Variants in CCDC18 observed in about 807,000 individuals in gnomAD.
The protein encoded by CCDC18 is coiled-coil domain-containing protein 18.
A neutral mutation model predicts 196.0 loss-of-function variants in CCDC18; 157 were observed. The observed-to-expected ratio is 0.80, with a 90% CI of 0.70 to 0.91. The LOEUF is 0.91. Ranked by LOEUF, CCDC18 falls within the 40% of genes least tolerant of loss-of-function variation. The pLI, the probability that CCDC18 is intolerant of heterozygous loss-of-function variation, is 0.00. For synonymous variants in CCDC18, 482 were observed against 529.2 expected, an observed-to-expected ratio of 0.91 and a Z score of 1.22; for missense variants, 1,465 against 1,611.6, an observed-to-expected ratio of 0.91 and a Z score of 1.56.
At chr1:93,269,522 T>C (rs1259150872) in intron 27 of CCDC18, among the ~76,000 whole-genome samples, 2 of 151,882 alleles carry the variant, frequency 1.3e-5, no homozygotes, top group Non-Finnish European at 2.9e-5. Flanking sequence ...TTGTAATGCA[T>C]TCTGTGGTTA....
chr1:93,258,891 G>A lies in CCDC18; in HGVS notation c.3684+6G>A. ...AAGAAGCTTATCATATGGAGGTAAA[G>A]AAAAATTTAATTTGTTTTGTTAGTG... On this transcript the variant is annotated splice_donor_region_variant and intron_variant, in intron 26 of 28. Coordinates refer to ENST00000690025, the MANE Select transcript of CCDC18 (RefSeq NM_001378204.1). The A allele has an allele frequency of 6.3e-7, 1 of 1,582,174 alleles. No homozygotes were observed. The highest frequency in any genetic ancestry group is 1.2e-5 in the South Asian group (1 of 84,676).
intron 23 of CCDC18, among the ~76,000 whole-genome samples, chr1:93,248,730 C>G (rs928054257): frequency 1.3e-5 from 2 of 152,030 alleles, no homozygotes; most frequent in Non-Finnish European, 2.9e-5. Context: ...AATCCCAGCA[C>G]TTTGGGAGGT....
At chr1:93,258,907 T>C (rs370388444) in intron 26 of CCDC18, 22 bp downstream of exon 26, 4 of 1,579,916 alleles carry the variant, frequency 2.5e-6, no homozygotes, top group Middle Eastern at 3.4e-4. Flanking sequence ...TTTAATTTGT[T>C]TTGTTAGTGC....
chr1:93,194,195 A>G (rs942461032), intron 6 of CCDC18, among the ~76,000 whole-genome samples: 3 of 152,152 alleles, frequency 2.0e-5, no homozygotes, highest in Non-Finnish European at 4.4e-5. Flanking sequence ...CTTCCTTTAG[A>G]AATATATAAA....
chr1:93,262,325 C>A (rs1030471162), intron 26 of CCDC18: 1 of 152,122 alleles, frequency 6.6e-6, no homozygotes, highest in African/African-American at 2.4e-5. Context: ...AGTCCAAGTC[C>A]AAAGTCTTAT....
intron 27 of CCDC18, among the ~76,000 whole-genome samples, chr1:93,266,092 GTC>G (rs1664464642): frequency 6.6e-6 from 1 of 152,182 alleles, no homozygotes; most frequent in Admixed American, 6.5e-5. Flanking sequence ...ACCACAAACT[GTC>G]TCTGAGACAA....
rs1369502080 is a variant in CCDC18 at position 93,257,239 on chromosome 1, A to AC, written c.3546+701_3546+702insC. Among the ~76,000 whole-genome samples, 8 of 137,706 alleles carry AC rather than the reference A, an allele frequency of 5.8e-5. 1 individual carries two copies. The highest frequency in any genetic ancestry group is 1.7e-4 in the African/African-American group (6 of 35,704). 90.3% of individuals were successfully genotyped at this position (137,706 alleles called of 152,430 possible). ...AGAGCAAGACTCCATCTCAAAAAAA[A>AC]AAAAAAAAAAAAAAAAAAAACATGA... is the stretch of plus-strand genomic sequence containing the variant. On this transcript the variant is annotated intron_variant, in intron 25 of 28. Transcript: ENST00000690025.
At chr1:93,247,373 A>G (rs575289936) in intron 23 of CCDC18, among the ~76,000 whole-genome samples, 1 of 152,066 alleles carries the variant, frequency 6.6e-6, no homozygotes, top group African/African-American at 2.4e-5. Flanking sequence ...TTAATTTTGT[A>G]TCTTGCAACT....
chr1:93,212,019 C>T, intron 10 of CCDC18, 82 bp from the exon 11 acceptor site: 2 of 1,221,442 alleles, frequency 1.6e-6, no homozygotes, highest in South Asian at 1.4e-5. Context: ...TTTAAATCAA[C>T]TTGAAAGGTG....
chr1:93,230,855 T>G (rs1028690537), intron 17 of CCDC18, among the ~76,000 whole-genome samples: 5 of 152,216 alleles, frequency 3.3e-5, no homozygotes, highest in African/African-American at 1.2e-4. Context: ...AATAAACCAG[T>G]GCAGAAGTGT....
upstream of CCDC18, chr1:93,180,303 T>C: frequency 7.2e-6 from 11 of 1,524,134 alleles, no homozygotes; most frequent in Non-Finnish European, 9.7e-6. Context: ...CGCTCCGCGT[T>C]TCCTCTCTGG....
chr1:93,215,567 C>T (rs1656355952), intron 12 of CCDC18, among the ~76,000 whole-genome samples: 1 of 151,866 alleles, frequency 6.6e-6, no homozygotes, highest in Non-Finnish European at 1.5e-5. Flanking sequence ...AGCCATTCTC[C>T]TGCCTCAGTC....
intron 11 of CCDC18, among the ~76,000 whole-genome samples, 187 bp from the exon 12 acceptor site, chr1:93,214,556 A>C (rs1656180625): frequency 6.6e-6 from 1 of 152,182 alleles, no homozygotes; most frequent in African/African-American, 2.4e-5. Context: ...CCTCTTTGTT[A>C]CGTATTTAAT....
At chr1:93,268,388 A>T (rs796269382) in intron 27 of CCDC18, among the ~76,000 whole-genome samples, 1 of 152,214 alleles carries the variant, frequency 6.6e-6, no homozygotes, top group Admixed American at 6.5e-5. Context: ...GGACTTCATG[A>T]CTGAAACACC....
chr1:93,191,058 C>T (rs1651678778), intron 4 of CCDC18: 2 of 806,190 alleles, frequency 2.5e-6, no homozygotes, highest in African/African-American at 1.6e-5. Flanking sequence ...GAATGTTCAC[C>T]ATGTTTGCGG....
chr1:93,272,579 G>C (rs1665364238), intron 28 of CCDC18, among the ~76,000 whole-genome samples: 1 of 152,202 alleles, frequency 6.6e-6, no homozygotes, highest in African/African-American at 2.4e-5. Context: ...GTAAAGTGAA[G>C]GTTGATTATT....
intron 10 of CCDC18, 134 bp downstream of exon 10, chr1:93,211,060 A>C (rs1411115751): frequency 1.2e-6 from 1 of 832,202 alleles, no homozygotes; most frequent in African/African-American, 1.7e-5. Flanking sequence ...GCGGATCACG[A>C]GGTCAGGAGT....
At chr1:93,190,559 T>G (rs1265428768) in intron 4 of CCDC18, among the ~76,000 whole-genome samples, 1 of 152,138 alleles carries the variant, frequency 6.6e-6, no homozygotes. Context: ...TAAATGCAGA[T>G]TGGTGGTTTG....
At chr1:93,258,938 A>C in intron 26 of CCDC18, 53 bp downstream of exon 26, 1 of 1,476,200 alleles carries the variant, frequency 6.8e-7, no homozygotes, top group South Asian at 1.4e-5. Flanking sequence ...AGGTTGACCT[A>C]TCTGGACAAA....
Sources: allele counts gnomAD v4.1 joint callset (sites outside exome capture counted in the v4.1 genomes callset), GRCh38; gene constraint gnomAD v4.1.1; transcripts MANE v1.5; gene names NCBI Gene and HGNC (gene_info 2026-07-23, HGNC 2026-07-21).